SETD2: variants seen among roughly 807,000 people sequenced by gnomAD.
SETD2 encodes the protein histone-lysine N-methyltransferase SETD2.
SETD2 carries 31 observed loss-of-function variants against 242.1 expected under a neutral mutation model. That is an observed-to-expected ratio of 0.13 (90% CI 0.10 to 0.17). SETD2 has a LOEUF of 0.17. Ranked by LOEUF, SETD2 falls within the 10% of genes least tolerant of loss-of-function variation. The probability of loss-of-function intolerance (pLI) is 1.00; values close to 1 mark genes in which losing one functional copy is unlikely to be tolerated. For synonymous variants in SETD2, 1,006 were observed against 1,066.5 expected (o/e 0.94, Z 1.11); for missense variants, 2,481 against 3,046.3 (o/e 0.81, Z 4.37).
At chr3:47,106,985 T>C (rs568418457) in intron 5 of SETD2, among the ~76,000 whole-genome samples, 3 of 152,300 alleles carry the variant, frequency 2.0e-5, no homozygotes, top group East Asian at 1.9e-4. Flanking sequence ...TTGTTATTTA[T>C]CTTCTTCTTT....
intron 18 of SETD2, among the ~76,000 whole-genome samples, chr3:47,024,317 GAA>G (rs1430680903): frequency 2.0e-5 from 3 of 151,778 alleles, no homozygotes; most frequent in Non-Finnish European, 1.5e-5. Context: ...CTAAAAATAC[GAA>G]AAATTAGCCA....
In SETD2 at chr3:47,101,633, T is replaced by TGCGC. The variant is rs59089794; in HGVS notation, c.4918-82_4918-79dup. 4.2e-5 allele frequency: 28 copies of TGCGC among 670,266 alleles called. No homozygotes were observed. The African/African-American group carries it at 4.8e-4, about 11-fold the overall frequency. The allele number at this position is 670,266 out of a possible 1,614,324, so 41.5% of individuals were successfully genotyped here. A position where few individuals can be genotyped will look rare whatever the true frequency, so the allele number is the denominator to read the frequency against. On this transcript the variant is annotated intron_variant, in intron 7 of 20. Transcript: ENST00000409792. Reference sequence around the variant, plus strand: ...GTGTGTGTGTGTGTGTGTGTGTGTGTGCGCATATATAAAGATCATCATCAT... The same window carrying TGCGC: ...GTGTGTGTGTGTGTGTGTGTGTGTGTGCGCGCGCATATATAAAGATCATCATCAT...
intron 15 of SETD2, among the ~76,000 whole-genome samples, chr3:47,053,736 C>A (rs1313941990): frequency 1.3e-5 from 2 of 152,200 alleles, no homozygotes; most frequent in Non-Finnish European, 2.9e-5. Context: ...ACAACACAAA[C>A]TTCAAGGCTC....
chr3:47,095,761 AAAAAAG>A (rs1398509109), intron 9 of SETD2, among the ~76,000 whole-genome samples: 21 of 152,176 alleles, frequency 1.4e-4, no homozygotes, highest in Admixed American at 1.2e-3. Flanking sequence ...TGATGAAAAA[AAAAAAG>A]AAAAACTTTC....
chr3:47,031,906 T>G (rs1390900488), intron 18 of SETD2, among the ~76,000 whole-genome samples: 1 of 152,218 alleles, frequency 6.6e-6, no homozygotes, highest in Non-Finnish European at 1.5e-5. Flanking sequence ...ATATAATTTT[T>G]TGTGAAAAGT....
At chr3:47,109,023 T>G (rs1277145277) in intron 5 of SETD2, among the ~76,000 whole-genome samples, 38 of 152,182 alleles carry the variant, frequency 2.5e-4, no homozygotes, top group Admixed American at 2.5e-3. Context: ...AGCCTGAAAT[T>G]TGCTCCTGGC....
At position 47,017,885 on chromosome 3, in the gene SETD2, A is replaced by G. The variant is rs1352729090; in HGVS notation, c.7432-146T>C. The G allele has an allele frequency of 1.5e-6, 1 of 665,232 alleles. No individual in the cohort carries two copies. Among genetic ancestry groups the G allele is most frequent in the African/African-American group, 1.8e-5 (1 of 55,832 alleles). 41.2% of individuals were successfully genotyped at this position (665,232 alleles called of 1,614,324 possible). ...TCAGGTTAACTGGTTTGGACAGTGG[A>G]ATACTAGTAAGCCAGTAAGATCTGA... On this transcript the variant is annotated intron_variant, in intron 19 of 20. Transcript: ENST00000409792. This position sits in a 1 kb window ranked among gnomAD's most constrained non-coding sequence, Gnocchi z 4.8.
chr3:47,090,225 C>T (rs903379497), intron 9 of SETD2, among the ~76,000 whole-genome samples: 5 of 151,856 alleles, frequency 3.3e-5, no homozygotes, highest in East Asian at 1.9e-4. Context: ...CTAGCCTGAG[C>T]GACAGAGTGA....
At chr3:47,098,293 G>A in intron 8 of SETD2, 2 of 362,912 alleles carry the variant, frequency 5.5e-6, no homozygotes, top group Non-Finnish European at 9.8e-6. Flanking sequence ...ATCTTTCTTT[G>A]GGAGACAAAA....
intron 12 of SETD2, chr3:47,080,811 CT>C: frequency 2.0e-6 from 2 of 986,308 alleles, no homozygotes; most frequent in Non-Finnish European, 2.4e-6. Context: ...TTAATCCTTT[CT>C]CGCCAGGAGT....
At chr3:47,154,668 G>A (rs1299690524) in intron 1 of SETD2, among the ~76,000 whole-genome samples, 2 of 152,172 alleles carry the variant, frequency 1.3e-5, no homozygotes, top group Non-Finnish European at 2.9e-5. Flanking sequence ...TGACCCTTTT[G>A]CAATAAGCAT....
At position 47,081,327 on chromosome 3, in the gene SETD2, G is replaced by A. The variant is rs530820861; in HGVS notation, c.6060+2393C>T. On this transcript the variant is annotated intron_variant, in intron 12 of 20. Coordinates refer to ENST00000409792, the MANE Select transcript of SETD2 (RefSeq NM_014159.7). ...GTCCACCAATGTTATGGTGGCCCCCGGTTGGCTGGGGAGACTTGAAATGGC... is the reference window on the plus strand; with the variant it reads ...GTCCACCAATGTTATGGTGGCCCCCAGTTGGCTGGGGAGACTTGAAATGGC... 9.9e-5 allele frequency among the ~76,000 whole-genome samples: 15 copies of A among 152,260 alleles called. No individual in the cohort carries two copies. The South Asian group carries it at 3.1e-3, about 32-fold the overall frequency.
intron 12 of SETD2, among the ~76,000 whole-genome samples, chr3:47,068,837 C>T (rs986183237): frequency 6.6e-6 from 1 of 151,792 alleles, no homozygotes; most frequent in African/African-American, 2.4e-5. Context: ...GGGTCTCTGT[C>T]GCACAGGCTG....
At position 47,113,764 on chromosome 3, in the gene SETD2, G is replaced by A. The variant is rs935915753; in HGVS notation, c.4715+112C>T. On this transcript the variant is annotated intron_variant, in intron 5 of 20. Transcript: ENST00000409792. ...TAAGGCAGGAGAATTGCTTGAATCC[G>A]GGAGGTAGAGGTTCCAGTGAGCCAA... is the stretch of plus-strand genomic sequence containing the variant. 69 of 953,796 alleles carry A rather than the reference G, an allele frequency of 7.2e-5. No homozygotes were observed. The East Asian group carries it at 7.8e-4, about 11-fold the overall frequency. The allele number at this position is 953,796 out of a possible 1,614,324, so 59.1% of individuals were successfully genotyped here.
intron 15 of SETD2, among the ~76,000 whole-genome samples, chr3:47,049,650 G>A (rs1262300809): frequency 6.8e-6 from 1 of 147,702 alleles, no homozygotes; most frequent in Middle Eastern, 3.6e-3. Context: ...GGGATTACAG[G>A]TGTGAGCCAC....
intron 12 of SETD2, among the ~76,000 whole-genome samples, chr3:47,071,183 C>T (rs2040803197): frequency 1.3e-5 from 2 of 152,308 alleles, no homozygotes; most frequent in East Asian, 3.9e-4. Flanking sequence ...TGCCCTCAGA[C>T]AGACCTAAAA....
chr3:47,122,253 A>G lies in SETD2; in HGVS notation c.2383T>C (p.Cys795Arg), dbSNP rs1360708174. 1.2e-6 allele frequency: 2 copies of G among 1,614,156 alleles called. No homozygotes were observed. The highest frequency in any genetic ancestry group is 1.7e-6 in the Non-Finnish European group (2 of 1,179,980). The change falls in exon 3 of 21, where the codon TGT (cysteine) becomes CGT (arginine). Residue 795 changes from cysteine to arginine, a missense_variant. Around this residue, in one of 17 missense-constraint regions of SETD2, gnomAD observed 1,300 missense variants for 1,259.2 expected, o/e 1.03. Coordinates refer to ENST00000409792, the MANE Select transcript of SETD2 (RefSeq NM_014159.7). Reference protein sequence around the residue: ...CCKTKDSDIYCTLNDSNPSLC... With the variant: ...CCKTKDSDIYRTLNDSNPSLC... ...GAAGGGTTGCTATCGTTCAAAGTAC[A>G]GTATATGTCTGAATCTTTGGTTTTG...
At chr3:47,106,266 C>A in intron 5 of SETD2, 146 bp from the exon 6 acceptor site, 2 of 691,792 alleles carry the variant, frequency 2.9e-6, no homozygotes, top group Admixed American at 3.1e-5. Flanking sequence ...AAACACATGT[C>A]AAGTATCTAG....
chr3:47,017,583 G>T lies in SETD2; in HGVS notation c.7533+55C>A. 3.2e-6 allele frequency: 4 copies of T among 1,235,214 alleles called. No individual in the cohort carries two copies. Among genetic ancestry groups the T allele is most frequent in the South Asian group, 1.2e-5 (1 of 83,264 alleles). The allele number at this position is 1,235,214 out of a possible 1,614,324, so 76.5% of individuals were successfully genotyped here. A position where few individuals can be genotyped will look rare whatever the true frequency, so the allele number is the denominator to read the frequency against. ...TATGATGAAAAGGGCTTCTTAGAAG[G>T]TACACAGTTTGCCCAGAACATTGCC... On this transcript the variant is annotated intron_variant, in intron 20 of 20. Coordinates refer to ENST00000409792, the MANE Select transcript of SETD2 (RefSeq NM_014159.7). The surrounding 1 kb of genome is among the most constrained non-coding windows in gnomAD (Gnocchi z 4.8).
Sources: allele counts gnomAD v4.1 joint callset (sites outside exome capture counted in the v4.1 genomes callset), GRCh38; gene constraint gnomAD v4.1.1; regional missense constraint gnomAD v4.1.1; non-coding constraint Gnocchi (gnomAD v3.1); transcripts MANE v1.5; gene names NCBI Gene and HGNC (gene_info 2026-07-23, HGNC 2026-07-21).